ARMC2: variants seen among roughly 807,000 people sequenced by gnomAD.
ARMC2 encodes armadillo repeat containing 2.
ARMC2 carries 67 observed loss-of-function variants against 90.3 expected under a neutral mutation model. That is an observed-to-expected ratio of 0.74 (90% CI 0.61 to 0.91). ARMC2 has a LOEUF of 0.91. Ranked by LOEUF, ARMC2 falls within the 40% of genes least tolerant of loss-of-function variation. The pLI, the probability that ARMC2 is intolerant of heterozygous loss-of-function variation, is 0.00. For missense variants in ARMC2, 920 were observed against 1,030.9 expected, an observed-to-expected ratio of 0.89 and a Z score of 1.47; for synonymous variants, 393 against 393.0, an observed-to-expected ratio of 1.00 and a Z score of 0.00.
At chr6:108,873,839 C>G (rs545798122) in intron 4 of ARMC2, among the ~76,000 whole-genome samples, 1 of 152,188 alleles carries the variant, frequency 6.6e-6, no homozygotes, top group African/African-American at 2.4e-5. Context: ...CTCTCTGCCC[C>G]CTCCTTACCT....
chr6:109,039,026 A>G, the ARMC2 span, among the ~76,000 whole-genome samples: 5 of 139,852 alleles, frequency 3.6e-5, 1 homozygote, highest in South Asian at 1.2e-3. Flanking sequence ...AGAAAGAAAA[A>G]GAGAAAGAAA....
At chr6:108,925,276 G>C (rs1416560184) in intron 10 of ARMC2, among the ~76,000 whole-genome samples, 1 of 152,102 alleles carries the variant, frequency 6.6e-6, no homozygotes, top group African/African-American at 2.4e-5. Flanking sequence ...CTACCTCAGA[G>C]ATATTGTCTG....
the ARMC2 span, among the ~76,000 whole-genome samples, chr6:109,022,979 C>A: frequency 1.3e-5 from 2 of 152,152 alleles, no homozygotes; most frequent in African/African-American, 4.8e-5. Context: ...CTAACTCCTA[C>A]CATCTTCTCC....
At chr6:109,047,550 A>G in the ARMC2 span, among the ~76,000 whole-genome samples, 2 of 130,396 alleles carry the variant, frequency 1.5e-5, no homozygotes, top group Non-Finnish European at 3.4e-5. Flanking sequence ...CCTACTGGGA[A>G]GTGAGGAGCC....
At chr6:109,044,311 CAAAAAAAAAAAAAAAAAAAAAAA>C in the ARMC2 span, among the ~76,000 whole-genome samples, 6 of 28,472 alleles carry the variant, frequency 2.1e-4, no homozygotes, top group Admixed American at 6.6e-4. Flanking sequence ...GAACTTGCCT[CAAAAAAAAAAAAAAAAAAAAAAA>C]AAAAAAAAAA....
intron 12 of ARMC2, among the ~76,000 whole-genome samples, chr6:108,944,474 G>A (rs1776662109): frequency 6.6e-6 from 1 of 152,168 alleles, no homozygotes; most frequent in African/African-American, 2.4e-5. Context: ...GGCTCCCTCA[G>A]GAGAGATGGG....
At chr6:108,870,348 C>T (rs1048406055) in intron 4 of ARMC2, among the ~76,000 whole-genome samples, 1 of 152,064 alleles carries the variant, frequency 6.6e-6, no homozygotes, top group Non-Finnish European at 1.5e-5. Flanking sequence ...TCCATGCAGC[C>T]ACAATGGGGC....
chr6:109,050,882 A>G, the ARMC2 span, among the ~76,000 whole-genome samples: 1 of 152,250 alleles, frequency 6.6e-6, no homozygotes, highest in African/African-American at 2.4e-5. Context: ...GAAGGCAAGA[A>G]GGAACAAACA....
intron 7 of ARMC2, among the ~76,000 whole-genome samples, chr6:108,901,931 G>A (rs1384901339): frequency 6.6e-6 from 1 of 152,176 alleles, no homozygotes; most frequent in Non-Finnish European, 1.5e-5. Flanking sequence ...CGCAAATTGG[G>A]TTTGTCTGAT....
the ARMC2 span, among the ~76,000 whole-genome samples, chr6:109,007,820 A>G: frequency 7.4e-6 from 1 of 135,026 alleles, no homozygotes; most frequent in Non-Finnish European, 1.6e-5. Flanking sequence ...TCTATGAACT[A>G]TATTTTAGAA....
chr6:108,874,339 C>T (rs568288621), intron 4 of ARMC2, among the ~76,000 whole-genome samples: 20 of 152,206 alleles, frequency 1.3e-4, no homozygotes, highest in Non-Finnish European at 2.2e-4. Flanking sequence ...TGGCTTCACC[C>T]GTGCAGTAAA....
At chr6:108,870,551 G>A (rs1183738743) in intron 4 of ARMC2, among the ~76,000 whole-genome samples, 3 of 147,428 alleles carry the variant, frequency 2.0e-5, no homozygotes, top group Admixed American at 6.9e-5. Flanking sequence ...AAGGAAGGAA[G>A]GAAGAGAGGG....
downstream of ARMC2, among the ~76,000 whole-genome samples, chr6:108,976,434 A>G (rs1289278894): frequency 6.6e-6 from 1 of 152,164 alleles, no homozygotes; most frequent in East Asian, 1.9e-4. Flanking sequence ...GAAGTCAGGT[A>G]GCATGATGCC....
At chr6:109,022,645 A>T in the ARMC2 span, among the ~76,000 whole-genome samples, 1 of 151,756 alleles carries the variant, frequency 6.6e-6, no homozygotes, top group Non-Finnish European at 1.5e-5. Flanking sequence ...CGATCTCCTG[A>T]CCTCGTGATC....
chr6:108,895,020 C>G (rs1026093359), intron 6 of ARMC2, among the ~76,000 whole-genome samples: 1 of 150,622 alleles, frequency 6.6e-6, no homozygotes, highest in Non-Finnish European at 1.5e-5. Context: ...CCTGCCTCAG[C>G]CTTCCAAAGT....
chr6:108,891,675 A>G (rs2128454917), intron 5 of ARMC2, among the ~76,000 whole-genome samples: 1 of 152,094 alleles, frequency 6.6e-6, no homozygotes, highest in African/African-American at 2.4e-5. Flanking sequence ...GACTGCAAAC[A>G]TTTTCTCCTA....
chr6:108,928,592 A>T (rs1338913258), intron 11 of ARMC2, among the ~76,000 whole-genome samples: 4 of 152,218 alleles, frequency 2.6e-5, no homozygotes, highest in Admixed American at 6.5e-5. Flanking sequence ...AAGAGTTTTA[A>T]CTCAAAAAAG....
chr6:108,932,158 T>A (rs917138393), intron 11 of ARMC2, among the ~76,000 whole-genome samples: 2 of 151,986 alleles, frequency 1.3e-5, no homozygotes, highest in African/African-American at 4.8e-5. Context: ...AGATGCATAG[T>A]TTGCAAATAT....
In ARMC2 at chr6:108,928,192, G is replaced by A. The variant is rs748106596; in HGVS notation, c.1455G>A (p.Lys485=). The change falls in exon 11 of 18, where the codon AAG becomes AAA. Residue 485 remains lysine, a synonymous_variant. Coordinates refer to ENST00000392644, the MANE Select transcript of ARMC2 (RefSeq NM_032131.6). ...TCTGCACGGCAATGGAACAGTACAA[G>A]GGTGACAAGGACGTCTGTACCAATA... ...PQLCTAMEQY[K]GDKDVCTNIA... 1 of 1,596,184 alleles carries A rather than the reference G, an allele frequency of 6.3e-7. No homozygotes were observed. Among genetic ancestry groups the A allele is most frequent in the Non-Finnish European group, 8.5e-7 (1 of 1,171,758 alleles).
Sources: allele counts gnomAD v4.1 joint callset (sites outside exome capture counted in the v4.1 genomes callset), GRCh38; gene constraint gnomAD v4.1.1; transcripts MANE v1.5; gene names NCBI Gene and HGNC (gene_info 2026-07-23, HGNC 2026-07-21).